Variants in ZFHX3 observed in about 807,000 individuals in gnomAD.
ZFHX3 encodes the protein zinc finger homeobox protein 3.
A neutral mutation model predicts 279.1 loss-of-function variants in ZFHX3; 42 were observed. That is an observed-to-expected ratio of 0.15 (90% CI 0.12 to 0.19). The LOEUF (loss-of-function observed/expected upper bound fraction) is 0.19, where lower values mean the gene tolerates loss of function less well. ZFHX3 is among the 10% of genes least tolerant of loss of function. The probability of loss-of-function intolerance (pLI) is 1.00; values close to 1 mark genes in which losing one functional copy is unlikely to be tolerated. For missense variants in ZFHX3, 4,981 were observed against 4,754.0 expected (o/e 1.05, Z -1.40); for synonymous variants, 2,293 against 1,957.8 (o/e 1.17, Z -4.52).
Position 73,264,956 on chromosome 16 carries a change from A to G in ZFHX3, c.-1193-7820T>C, listed in dbSNP as rs75884519. On this transcript the variant is annotated intron_variant, in intron 4 of 17. Transcript: ENST00000641206. ...AGTATTCCATTTTACATATATATATATGTGTGTATATATGTGTATATATAT... is the reference window on the plus strand; with the variant it reads ...AGTATTCCATTTTACATATATATATGTGTGTGTATATATGTGTATATATAT... Among the ~76,000 whole-genome samples the G allele has an allele frequency of 6.4e-3, 965 of 151,194 alleles. 9 individuals carry two copies. The highest frequency in any genetic ancestry group is 0.022 in the African/African-American group (912 of 41,210).
chr16:73,561,299 T>A (rs566586771), intron 2 of ZFHX3, among the ~76,000 whole-genome samples: 3 of 152,208 alleles, frequency 2.0e-5, no homozygotes, highest in Admixed American at 1.3e-4. Context: ...ATTAAGGTCA[T>A]TCTGCATGAA....
chr16:73,649,992 C>T lies in ZFHX3; in HGVS notation c.-1547+30188G>A, dbSNP rs371415318. Among the ~76,000 whole-genome samples the T allele has an allele frequency of 5.9e-5, 9 of 152,116 alleles. No individual in the cohort carries two copies. The South Asian group carries it at 1.2e-3, about 21-fold the overall frequency. On this transcript the variant is annotated intron_variant, in intron 2 of 17. Coordinates refer to the ZFHX3 transcript ENST00000641206. ...AAAATAGTTGTATAAGGATAAACAA[C>T]TTATTTATCTGTGCGTCAGTTTACT...
chr16:72,934,326 G>C (rs1469636124), intron 3 of ZFHX3, among the ~76,000 whole-genome samples: 2 of 152,154 alleles, frequency 1.3e-5, no homozygotes, highest in Non-Finnish European at 2.9e-5. Context: ...TACTTGGGAG[G>C]CTGAGGCAGG....
chr16:73,609,635 TGATG>T (rs1392927373), intron 2 of ZFHX3: 1 of 151,354 alleles, frequency 6.6e-6, no homozygotes, highest in Non-Finnish European at 1.5e-5. Flanking sequence ...ATAGGTAACT[TGATG>T]GATGGATGGA....
intron 3 of ZFHX3, among the ~76,000 whole-genome samples, chr16:72,916,381 T>C (rs2039443704): frequency 6.6e-6 from 1 of 152,208 alleles, no homozygotes; most frequent in African/African-American, 2.4e-5. Context: ...CAGAGAATGC[T>C]GATGATAAAT....
chr16:73,057,578 G>GA (rs1469264964), intron 1 of ZFHX3, among the ~76,000 whole-genome samples: 5 of 150,858 alleles, frequency 3.3e-5, no homozygotes, highest in Non-Finnish European at 7.4e-5. Context: ...AAAAGAAAAA[G>GA]AAAAAAGGCA....
chr16:72,982,486 G>C (rs1231543398), intron 1 of ZFHX3, among the ~76,000 whole-genome samples: 1 of 152,142 alleles, frequency 6.6e-6, no homozygotes, highest in African/African-American at 2.4e-5. Context: ...GCATGCCTAA[G>C]CTTCCAAATC....
At chr16:73,319,724 C>A (rs1295596671) in intron 3 of ZFHX3, among the ~76,000 whole-genome samples, 1 of 152,124 alleles carries the variant, frequency 6.6e-6, no homozygotes, top group Non-Finnish European at 1.5e-5. Context: ...GTTTATACAA[C>A]AATTTATAGG....
At chr16:72,946,849 C>A (rs1410096638) in intron 3 of ZFHX3, among the ~76,000 whole-genome samples, 1 of 152,142 alleles carries the variant, frequency 6.6e-6, no homozygotes, top group Non-Finnish European at 1.5e-5. Flanking sequence ...AGGAGTGATA[C>A]ATTTACATGT....
intron 3 of ZFHX3, among the ~76,000 whole-genome samples, chr16:73,374,286 T>C (rs542351358): frequency 1.6e-4 from 25 of 152,314 alleles, no homozygotes; most frequent in Admixed American, 1.1e-3. Context: ...TTTTTTTTGT[T>C]ACAGAAAATA....
rs1042457252 is a variant in ZFHX3 at position 73,811,552 on chromosome 16, C to T, written c.-1608+80099G>A. Among the ~76,000 whole-genome samples the T allele has an allele frequency of 6.1e-5, 9 of 147,458 alleles. No homozygotes were observed. In the Admixed American group the frequency reaches 6.3e-4, roughly 10 times the overall value. ...CTCTGCCTCCCAGGTTCAAGCGATTCTCCTGCCTCAGCCTCTGGAGTAGCT... is the reference window on the plus strand; with the variant it reads ...CTCTGCCTCCCAGGTTCAAGCGATTTTCCTGCCTCAGCCTCTGGAGTAGCT... On this transcript the variant is annotated intron_variant, in intron 1 of 17. Coordinates refer to the ZFHX3 transcript ENST00000641206.
intron 1 of ZFHX3, among the ~76,000 whole-genome samples, chr16:73,689,643 G>C (rs1175207061): frequency 6.6e-6 from 1 of 152,112 alleles, no homozygotes; most frequent in Non-Finnish European, 1.5e-5. Flanking sequence ...CAGCATGGCA[G>C]GTCCATGAGA....
intron 3 of ZFHX3, among the ~76,000 whole-genome samples, chr16:73,363,765 A>AC (rs1428895916): frequency 6.6e-6 from 1 of 152,040 alleles, no homozygotes; most frequent in Non-Finnish European, 1.5e-5. Flanking sequence ...CACTATGCTC[A>AC]CCCCCAGGAT....
chr16:73,211,673 T>G (rs1209386167), intron 5 of ZFHX3, among the ~76,000 whole-genome samples: 3 of 151,590 alleles, frequency 2.0e-5, no homozygotes, highest in Admixed American at 1.3e-4. Flanking sequence ...AATCTATGTT[T>G]TTTTTTTTTT....
intron 1 of ZFHX3, among the ~76,000 whole-genome samples, chr16:73,874,301 GA>G (rs936362474): frequency 1.3e-5 from 2 of 151,956 alleles, no homozygotes; most frequent in Non-Finnish European, 2.9e-5. Context: ...ACAACTGTAA[GA>G]AAAAAAATTA....
chr16:72,982,676 C>T (rs1190217005), intron 1 of ZFHX3, among the ~76,000 whole-genome samples: 1 of 152,052 alleles, frequency 6.6e-6, no homozygotes, highest in African/African-American at 2.4e-5. Flanking sequence ...TTTACATAGG[C>T]CAGAATGGTG....
chr16:73,070,583 G>A (rs942173653), intron 8 of ZFHX3, among the ~76,000 whole-genome samples: 1 of 152,190 alleles, frequency 6.6e-6, no homozygotes, highest in African/African-American at 2.4e-5. Context: ...GCAGCAGAGA[G>A]GAAAGGGTGA....
intron 7 of ZFHX3, among the ~76,000 whole-genome samples, chr16:73,108,285 G>T (rs376243376): frequency 8.6e-5 from 13 of 151,996 alleles, no homozygotes; most frequent in African/African-American, 3.1e-4. Flanking sequence ...AGTGAGTGGT[G>T]ATCATGCCAC....
At chr16:73,483,469 G>A in intron 2 of ZFHX3, 1 of 437,052 alleles carries the variant, frequency 2.3e-6, no homozygotes, top group Non-Finnish European at 4.5e-6. Flanking sequence ...GCTGTGCTCT[G>A]CCAATTCAAA....
Sources: allele counts gnomAD v4.1 joint callset (sites outside exome capture counted in the v4.1 genomes callset), GRCh38; gene constraint gnomAD v4.1.1; transcripts MANE v1.5; gene names NCBI Gene and HGNC (gene_info 2026-07-23, HGNC 2026-07-21).